Variants in DHX9 observed in about 807,000 individuals in gnomAD.
The protein encoded by DHX9 is DExH-box helicase 9.
In DHX9, 27 loss-of-function variants were observed where a neutral mutation model predicts 148.7. That is an observed-to-expected ratio of 0.18 (90% CI 0.13 to 0.25). DHX9 has a LOEUF of 0.25. Among genes scored for constraint, DHX9 ranks in the 10% least tolerant of loss-of-function variants. The probability of loss-of-function intolerance (pLI) is 1.00; values close to 1 mark genes in which losing one functional copy is unlikely to be tolerated. For missense variants in DHX9, 796 were observed against 1,559.6 expected (o/e 0.51, Z 8.25); for synonymous variants, 529 against 516.6 (o/e 1.02, Z -0.33).
intron 3 of DHX9, among the ~76,000 whole-genome samples, chr1:182,844,467 C>T (rs1435196973): frequency 1.3e-5 from 2 of 152,168 alleles, no homozygotes; most frequent in African/African-American, 2.4e-5. Context: ...TCAGCTCTTC[C>T]CCAGTAGCTG....
chr1:182,861,765 C>T (rs564019787), intron 12 of DHX9, among the ~76,000 whole-genome samples: 2 of 152,330 alleles, frequency 1.3e-5, no homozygotes, highest in African/African-American at 4.8e-5. Context: ...TTACTTATAA[C>T]TCATATTGCA....
At chr1:182,881,829 T>A (rs932111734) in intron 24 of DHX9, among the ~76,000 whole-genome samples, 182 bp downstream of exon 24, 1 of 152,224 alleles carries the variant, frequency 6.6e-6, no homozygotes, top group Non-Finnish European at 1.5e-5. Context: ...GCTGATAACC[T>A]TATAGTGGTT....
intron 24 of DHX9, 50 bp downstream of exon 24, chr1:182,881,697 T>C (rs760656379): frequency 2.3e-5 from 35 of 1,518,374 alleles, no homozygotes; most frequent in Non-Finnish European, 3.1e-5. Context: ...ATTTATATAG[T>C]ACATGCAAAT....
chr1:182,859,196 A>T, intron 11 of DHX9, 79 bp downstream of exon 11: 2 of 1,336,718 alleles, frequency 1.5e-6, no homozygotes, highest in Middle Eastern at 1.9e-4. Context: ...AATGAGCAGT[A>T]CATTTTGCCC....
At position 182,880,482 on chromosome 1, in the gene DHX9, A is replaced by C. The variant is rs1284711806; in HGVS notation, c.2513-15A>C. The C allele has an allele frequency of 6.4e-7, 1 of 1,557,654 alleles. No homozygotes were observed. Among genetic ancestry groups the C allele is most frequent in the Non-Finnish European group, 8.8e-7 (1 of 1,131,998 alleles). On this transcript the variant is annotated splice_polypyrimidine_tract_variant and intron_variant, in intron 21 of 27. Transcript: ENST00000367549. ...GTTCATTTGTTTCTGCTCACAAAGA[A>C]CTATCTCCCCACAGAGCTTGATGCA...
chr1:182,848,959 T>C (rs1474113988), intron 3 of DHX9, among the ~76,000 whole-genome samples: 2 of 152,206 alleles, frequency 1.3e-5, no homozygotes, highest in Non-Finnish European at 2.9e-5. Flanking sequence ...AAAGTGGTAC[T>C]AAACCATGCA....
At chr1:182,843,994 T>C (rs576739527) in intron 3 of DHX9, among the ~76,000 whole-genome samples, 12 of 152,216 alleles carry the variant, frequency 7.9e-5, no homozygotes, top group Non-Finnish European at 1.3e-4. Flanking sequence ...AGTCTTGCAC[T>C]GTCGCCCAGG....
At chr1:182,842,422 G>A in intron 1 of DHX9, 123 bp from the exon 2 acceptor site, 1 of 536,788 alleles carries the variant, frequency 1.9e-6, no homozygotes, top group East Asian at 3.0e-5. Context: ...AATTTATGGG[G>A]AGTCTTAATA....
chr1:182,879,625 A>C lies in DHX9; in HGVS notation c.2512+215A>C, dbSNP rs536528967. ...AAGAAAGGGACAATGTGAGTCTTTAAAAAAGAAAAGAAAACTTAAAAAGGC... is the reference window on the plus strand; with the variant it reads ...AAGAAAGGGACAATGTGAGTCTTTACAAAAGAAAAGAAAACTTAAAAAGGC... On this transcript the variant is annotated intron_variant, in intron 21 of 27. Transcript: ENST00000367549. 2.0e-5 allele frequency among the ~76,000 whole-genome samples: 3 copies of C among 152,348 alleles called. No homozygotes were observed. In the East Asian group the frequency reaches 5.8e-4, roughly 29 times the overall value.
At chr1:182,864,231 C>T (rs970949238) in intron 12 of DHX9, among the ~76,000 whole-genome samples, 2 of 152,238 alleles carry the variant, frequency 1.3e-5, no homozygotes, top group Middle Eastern at 3.4e-3. Context: ...GGACTAGAGG[C>T]CTCTATCACC....
chr1:182,866,385 A>T, intron 12 of DHX9, 59 bp from the exon 13 acceptor site: 1 of 1,564,056 alleles, frequency 6.4e-7, no homozygotes, highest in East Asian at 2.3e-5. Context: ...AAAAATGCTA[A>T]TAAACAAGTA....
At chr1:182,885,064 T>G (rs1236567855) in intron 27 of DHX9, among the ~76,000 whole-genome samples, 1 of 152,198 alleles carries the variant, frequency 6.6e-6, no homozygotes, top group Non-Finnish European at 1.5e-5. Context: ...AACTTACAAA[T>G]GCACATACAT....
rs147250601 is a variant in DHX9 at position 182,854,233 on chromosome 1, T to G, written c.626+55T>G. 142 of 1,492,230 alleles carry G rather than the reference T, an allele frequency of 9.5e-5. No homozygotes were observed. In the African/African-American group the frequency reaches 1.8e-3, roughly 19 times the overall value. The allele number at this position is 1,492,230 out of a possible 1,614,324, so 92.4% of individuals were successfully genotyped here. ...AGTAAGTTAAGGTGGTTTTGGATAT[T>G]CACTGTTGAATATAATCTATTTTTG... is the stretch of plus-strand genomic sequence containing the variant. On this transcript the variant is annotated intron_variant, in intron 6 of 27. Transcript: ENST00000367549.
rs1287004562 is a variant in DHX9, at chr1:182,887,494, T to TA, written c.*61dup. 6 of 1,438,382 alleles carry TA rather than the reference T, an allele frequency of 4.2e-6. No individual in the cohort carries two copies. The Admixed American group carries it at 7.1e-5, about 17-fold the overall frequency. The allele number at this position is 1,438,382 out of a possible 1,614,324, so 89.1% of individuals were successfully genotyped here. A position where few individuals can be genotyped will look rare whatever the true frequency, so the allele number is the denominator to read the frequency against. On this transcript the variant is annotated 3_prime_UTR_variant, in exon 28 of 28. Coordinates refer to ENST00000367549, the MANE Select transcript of DHX9 (RefSeq NM_001357.5). The stretch of plus-strand genomic sequence containing the variant: ...AAGGAAAAAAAGGCATGCTATGTGT[T>TA]ACGTGTTTTTTCCAGTATGTTTATT...
intron 15 of DHX9, among the ~76,000 whole-genome samples, chr1:182,874,039 A>G (rs2102614299): frequency 6.6e-6 from 1 of 152,378 alleles, no homozygotes; most frequent in African/African-American, 2.4e-5. Context: ...TTGTGTGTCT[A>G]TACTGATATG....
intron 26 of DHX9, 111 bp from the exon 27 acceptor site, chr1:182,884,502 T>C: frequency 1.0e-6 from 1 of 964,220 alleles, no homozygotes; most frequent in Middle Eastern, 3.3e-4. Context: ...TTAATATTAA[T>C]GCTTAAGAAG....
chr1:182,840,531 C>A (rs2102583996), intron 1 of DHX9, among the ~76,000 whole-genome samples: 1 of 152,236 alleles, frequency 6.6e-6, no homozygotes, highest in Non-Finnish European at 1.5e-5. Context: ...ATCTCTCGAC[C>A]TCGTGATCCG....
rs376685158 is a variant in DHX9, at chr1:182,852,425, TAGAA to T, written c.364+86_364+89del. 7.6e-5 allele frequency: 73 copies of T among 956,822 alleles called. 1 individual carries two copies. The African/African-American group carries it at 8.1e-4, about 11-fold the overall frequency. 59.3% of individuals were successfully genotyped at this position (956,822 alleles called of 1,614,324 possible). On this transcript the variant is annotated intron_variant, in intron 4 of 27. Coordinates refer to ENST00000367549, the MANE Select transcript of DHX9 (RefSeq NM_001357.5). Reference sequence around the variant, plus strand: ...CACCATCTCTGTTTCTCGTTTTGGGTAGAAAGAACTGCAGTAAACTCTTGATGTT... The same window carrying T: ...CACCATCTCTGTTTCTCGTTTTGGGTAGAACTGCAGTAAACTCTTGATGTT...
At chr1:182,845,427 T>TG (rs1668010782) in intron 3 of DHX9, among the ~76,000 whole-genome samples, 2 of 138,524 alleles carry the variant, frequency 1.4e-5, no homozygotes, top group East Asian at 2.0e-4. Flanking sequence ...GGTATGTAAG[T>TG]GGAAAAAAAA....
Sources: gnomAD v4.1 joint callset for allele counts (sites outside exome capture counted in the v4.1 genomes callset) on GRCh38, gnomAD v4.1.1 for gene constraint, MANE v1.5 for transcripts, NCBI Gene and HGNC (gene_info 2026-07-23, HGNC 2026-07-21) for gene names.